ZFAND3: variants seen among roughly 807,000 people sequenced by gnomAD.
ZFAND3 encodes AN1-type zinc finger protein 3.
In ZFAND3, 10 loss-of-function variants were observed where a neutral mutation model predicts 29.6. The ratio of observed to expected loss-of-function variants is 0.34; its 90% CI spans 0.21 to 0.57. The LOEUF (loss-of-function observed/expected upper bound fraction) is 0.57. Ranked by LOEUF, ZFAND3 falls within the 20% of genes least tolerant of loss-of-function variation. The pLI is 0.86. For missense variants in ZFAND3, 230 were observed against 304.5 expected (o/e 0.76, Z 1.82); for synonymous variants, 128 against 112.6 (o/e 1.14, Z -0.87).
chr6:37,924,902 G>T (rs1384713245), intron 1 of ZFAND3, among the ~76,000 whole-genome samples: 5 of 152,080 alleles, frequency 3.3e-5, no homozygotes, highest in South Asian at 4.1e-4. Flanking sequence ...ACAAGAAAGA[G>T]ACAGCATTAC....
chr6:37,927,362 G>A (rs926303706), intron 1 of ZFAND3, among the ~76,000 whole-genome samples: 3 of 152,178 alleles, frequency 2.0e-5, no homozygotes, highest in Non-Finnish European at 4.4e-5. Flanking sequence ...GCTTTTTGTG[G>A]CATTGCGTGG....
chr6:37,865,997 C>G (rs1764583472), intron 1 of ZFAND3, among the ~76,000 whole-genome samples: 1 of 152,040 alleles, frequency 6.6e-6, no homozygotes, highest in African/African-American at 2.4e-5. Context: ...TCTTTTTGCC[C>G]CTCACTGCTG....
intron 1 of ZFAND3, among the ~76,000 whole-genome samples, chr6:37,868,897 A>G (rs11757695): frequency 0.065 from 9,956 of 152,236 alleles, 397 homozygotes; most frequent in Non-Finnish European, 0.094. Flanking sequence ...GAAGTGTTCA[A>G]TTGATGTTAG....
intron 1 of ZFAND3, among the ~76,000 whole-genome samples, chr6:37,853,787 GAATA>G (rs1325518957): frequency 2.6e-5 from 4 of 152,080 alleles, no homozygotes; most frequent in East Asian, 1.9e-4. Flanking sequence ...TTAGGCACCT[GAATA>G]AATAAGTAGA....
chr6:37,992,883 T>C (rs1250673756), intron 2 of ZFAND3, among the ~76,000 whole-genome samples: 2 of 152,212 alleles, frequency 1.3e-5, no homozygotes, highest in African/African-American at 4.8e-5. Flanking sequence ...GTCTGTTTTA[T>C]ACAGTGTCCA....
chr6:38,097,021 G>A (rs1322827158), intron 4 of ZFAND3, among the ~76,000 whole-genome samples: 3 of 151,972 alleles, frequency 2.0e-5, no homozygotes, highest in East Asian at 1.9e-4. Context: ...CATTTACCTG[G>A]CAAAGCTTGG....
intron 1 of ZFAND3, among the ~76,000 whole-genome samples, chr6:37,828,570 A>G (rs1000369504): frequency 6.6e-6 from 1 of 152,210 alleles, no homozygotes; most frequent in Admixed American, 6.5e-5. Context: ...AGGAGAAGGT[A>G]TGGTGATTTC....
intron 2 of ZFAND3, among the ~76,000 whole-genome samples, chr6:37,991,108 C>T (rs997710560): frequency 6.6e-6 from 1 of 152,050 alleles, no homozygotes; most frequent in African/African-American, 2.4e-5. Flanking sequence ...ATATTTCCCA[C>T]TGGAGGAGGG....
intron 2 of ZFAND3, among the ~76,000 whole-genome samples, chr6:37,970,766 G>C (rs369456178): frequency 2.0e-5 from 3 of 152,044 alleles, no homozygotes; most frequent in Non-Finnish European, 4.4e-5. Context: ...TTAGCCGGCC[G>C]TGGTGGCGGG....
intron 1 of ZFAND3, among the ~76,000 whole-genome samples, chr6:37,919,410 T>C (rs1319975240): frequency 3.3e-5 from 5 of 152,262 alleles, no homozygotes; most frequent in Admixed American, 3.3e-4. Flanking sequence ...AAATTCTCCA[T>C]GTCTGCACAG....
At position 38,153,833 on chromosome 6, in the gene ZFAND3, A is replaced by T. The variant is rs1199263285; in HGVS notation, c.*1444A>T. The T allele has an allele frequency of 6.1e-6, 6 of 985,434 alleles. No individual in the cohort carries two copies. The highest frequency in any genetic ancestry group is 7.2e-6 in the Non-Finnish European group (6 of 829,970). The allele number at this position is 985,434 out of a possible 1,614,324, so 61.0% of individuals were successfully genotyped here. A position where few individuals can be genotyped will look rare whatever the true frequency, so the allele number is the denominator to read the frequency against. On this transcript the variant is annotated 3_prime_UTR_variant, in exon 6 of 6. Coordinates refer to ENST00000287218, the MANE Select transcript of ZFAND3 (RefSeq NM_021943.3). ...TCAGATCCAGGTGGGTGAGGGCAGGAGGCCCCTGCGGAGGCAGCGTGGATC... is the reference window on the plus strand; with the variant it reads ...TCAGATCCAGGTGGGTGAGGGCAGGTGGCCCCTGCGGAGGCAGCGTGGATC...
chr6:38,113,154 G>T lies in ZFAND3; in HGVS notation c.362-3418G>T, dbSNP rs901875757. 1.2e-4 allele frequency among the ~76,000 whole-genome samples: 18 copies of T among 149,886 alleles called. 2 individuals are homozygous for T. ...CTCTTGCTATCTGGAATAGTTCTTT[G>T]ATTCTAAAACATAACACATTCTGTT... On this transcript the variant is annotated intron_variant, in intron 4 of 5. Transcript: ENST00000287218.
chr6:38,092,751 C>T (rs1273789384), intron 4 of ZFAND3, among the ~76,000 whole-genome samples: 1 of 152,180 alleles, frequency 6.6e-6, no homozygotes, highest in Non-Finnish European at 1.5e-5. Context: ...CACTAAATCA[C>T]AGTAATGAGA....
intron 1 of ZFAND3, among the ~76,000 whole-genome samples, chr6:37,888,632 A>G (rs974753402): frequency 2.0e-5 from 3 of 152,118 alleles, no homozygotes; most frequent in African/African-American, 7.2e-5. Flanking sequence ...AGATCACATT[A>G]GTTTATATTT....
chr6:37,958,939 A>C (rs1762149190), intron 2 of ZFAND3, among the ~76,000 whole-genome samples: 1 of 152,152 alleles, frequency 6.6e-6, no homozygotes, highest in South Asian at 2.1e-4. Context: ...AAAGTACAAA[A>C]ATGGTTAAAG....
intron 1 of ZFAND3, among the ~76,000 whole-genome samples, chr6:37,857,436 G>A (rs1302430385): frequency 6.6e-6 from 1 of 152,008 alleles, no homozygotes; most frequent in Admixed American, 6.6e-5. Context: ...CAAACTGTGT[G>A]GGAATAAAAG....
At chr6:38,000,130 AT>A (rs1277904511) in intron 2 of ZFAND3, among the ~76,000 whole-genome samples, 1 of 152,202 alleles carries the variant, frequency 6.6e-6, no homozygotes, top group Admixed American at 6.5e-5. Flanking sequence ...TTTTAAAAAA[AT>A]AAAAGCAAAT....
At chr6:37,993,414 C>T (rs1250837552) in intron 2 of ZFAND3, among the ~76,000 whole-genome samples, 6 of 152,270 alleles carry the variant, frequency 3.9e-5, no homozygotes, top group East Asian at 1.9e-4. Flanking sequence ...GCAACCTCCA[C>T]CTCCTGGGTC....
intron 2 of ZFAND3, among the ~76,000 whole-genome samples, chr6:38,059,564 C>A (rs1268282710): frequency 6.6e-6 from 1 of 152,090 alleles, no homozygotes; most frequent in Non-Finnish European, 1.5e-5. Flanking sequence ...CTGAATTACG[C>A]TAATATTCAG....
Sources: allele counts gnomAD v4.1 joint callset (sites outside exome capture counted in the v4.1 genomes callset), GRCh38; gene constraint gnomAD v4.1.1; transcripts MANE v1.5; gene names NCBI Gene and HGNC (gene_info 2026-07-23, HGNC 2026-07-21).